Variants in KIAA1586 observed in about 807,000 individuals in gnomAD.
The protein encoded by KIAA1586 is E3 SUMO-protein ligase KIAA1586.
KIAA1586 carries 5 observed loss-of-function variants against 6.1 expected under a neutral mutation model. The observed-to-expected ratio is 0.82, with a 90% CI of 0.43 to 1.73. The LOEUF (loss-of-function observed/expected upper bound fraction) is 1.73. KIAA1586 is among the 40% of genes most tolerant of loss of function. The pLI is 0.02. For synonymous variants in KIAA1586, 280 were observed against 301.7 expected (o/e 0.93, Z 0.75); for missense variants, 899 against 878.2 (o/e 1.02, Z -0.30).
At chr6:57,064,406 C>T in the KIAA1586 span, among the ~76,000 whole-genome samples, 1 of 152,178 alleles carries the variant, frequency 6.6e-6, no homozygotes, top group Non-Finnish European at 1.5e-5. Context: ...TGAGTTCTGC[C>T]TGTGTGTTCT....
the KIAA1586 span, among the ~76,000 whole-genome samples, chr6:57,064,454 C>T: frequency 6.6e-6 from 1 of 152,172 alleles, no homozygotes; most frequent in African/African-American, 2.4e-5. Context: ...GAATTTTACT[C>T]TGTGGTAGAT....
In KIAA1586 at chr6:57,053,299, A is replaced by G. The variant is rs530581934; in HGVS notation, c.800A>G (p.Glu267Gly). ...CATAACAGACCTTTATCTGATATTG[A>G]GGGGGCAAGAGAATTACAGGAAAAA... The part of the protein sequence containing the change: ...VKHNRPLSDI[E>G]GARELQEKNG... Residue 267 changes from glutamate (E) to glycine (G), a missense_variant, in exon 4 of 4, where the codon GAG becomes GGG. Transcript: ENST00000370733. The G allele has an allele frequency of 1.9e-6, 3 of 1,612,284 alleles. No individual in the cohort carries two copies. Among genetic ancestry groups the G allele is most frequent in the Middle Eastern group, 1.7e-4 (1 of 6,050 alleles).
chr6:57,062,916 C>T, the KIAA1586 span, among the ~76,000 whole-genome samples: 7 of 152,016 alleles, frequency 4.6e-5, no homozygotes, highest in African/African-American at 1.7e-4. Context: ...CCGGGCGTGG[C>T]GGCATGTGCC....
At chr6:57,060,386 C>G in the KIAA1586 span, among the ~76,000 whole-genome samples, 1 of 152,286 alleles carries the variant, frequency 6.6e-6, no homozygotes, top group African/African-American at 2.4e-5. Context: ...CTGGCCAGAA[C>G]TGTGTCAGCA....
At chr6:57,060,974 G>T in the KIAA1586 span, among the ~76,000 whole-genome samples, 1 of 148,170 alleles carries the variant, frequency 6.7e-6, no homozygotes, top group Admixed American at 6.7e-5. Flanking sequence ...TTTAAATTAT[G>T]TTCCGCCTTT....
At position 57,054,825 on chromosome 6, in the gene KIAA1586, T is replaced by G. The variant is rs1287249635; in HGVS notation, c.2326T>G (p.Phe776Val). 7.7e-6 allele frequency: 12 copies of G among 1,550,822 alleles called. No homozygotes were observed. In the Admixed American group the frequency reaches 2.4e-4, roughly 30 times the overall value. Residue 776 changes from phenylalanine to valine, a missense_variant, in exon 4 of 4, where the codon TTC (phenylalanine) becomes GTC (valine). By Grantham distance (50) the Phe-to-Val change is conservative. Transcript: ENST00000370733. Reference protein sequence around the residue: ...TRVRQKSTKVFHENQLAIWNL... With the variant: ...TRVRQKSTKVVHENQLAIWNL... ...AGTTCGGCAAAAGTCAACAAAAGTC[T>G]TCCATGAGAATCAATTGGCTATATG...
chr6:57,058,014 C>G (rs922472915), downstream of KIAA1586, among the ~76,000 whole-genome samples: 1 of 151,992 alleles, frequency 6.6e-6, no homozygotes, highest in Admixed American at 6.5e-5. Flanking sequence ...AGGCTGGCCT[C>G]GAACTCCCTG....
Position 57,054,985 on chromosome 6 carries a change from G to T in KIAA1586, c.*122G>T. Reference sequence around the variant, plus strand: ...TTATCAGCATGTTGCTGTTTAAAAGGCGTTCTTTAAGAAGATAATCTTGAA... The same window carrying T: ...TTATCAGCATGTTGCTGTTTAAAAGTCGTTCTTTAAGAAGATAATCTTGAA... On this transcript the variant is annotated 3_prime_UTR_variant, in exon 4 of 4. Coordinates refer to ENST00000370733, the MANE Select transcript of KIAA1586 (RefSeq NM_020931.4). 1 of 1,124,618 alleles carries T rather than the reference G, an allele frequency of 8.9e-7. No individual in the cohort carries two copies. Among genetic ancestry groups the T allele is most frequent in the Non-Finnish European group, 1.2e-6 (1 of 821,174 alleles). The allele number at this position is 1,124,618 out of a possible 1,614,324, so 69.7% of individuals were successfully genotyped here.
chr6:57,048,624 G>A (rs902088387), intron 2 of KIAA1586, among the ~76,000 whole-genome samples: 2 of 152,164 alleles, frequency 1.3e-5, no homozygotes, highest in African/African-American at 2.4e-5. Flanking sequence ...TTTTTGTAAC[G>A]AGAAACATTT....
the KIAA1586 span, among the ~76,000 whole-genome samples, chr6:57,066,597 G>A: frequency 1.3e-5 from 2 of 152,122 alleles, no homozygotes; most frequent in East Asian, 3.9e-4. Flanking sequence ...ACAAAAGGGG[G>A]CTGGAACTGA....
downstream of KIAA1586, among the ~76,000 whole-genome samples, chr6:57,057,504 G>C (rs1199675754): frequency 6.6e-6 from 1 of 152,034 alleles, no homozygotes; most frequent in East Asian, 1.9e-4. Context: ...TGTAATCCCA[G>C]CACTTTATGG....
rs185975368 is a variant in KIAA1586, at chr6:57,052,932, T to G, written c.433T>G (p.Phe145Val). 4 of 1,613,202 alleles carry G rather than the reference T, an allele frequency of 2.5e-6. No individual in the cohort carries two copies. In the East Asian group the frequency reaches 8.9e-5, roughly 36 times the overall value. The stretch of plus-strand genomic sequence containing the variant: ...TTGGAATGAAAAACAAGCATTTATG[T>G]TTACAGAACAATACAAATGGCTTGA... ...DCWNEKQAFM[F>V]TEQYKWLEIK... The change falls in exon 4 of 4, where the codon TTT (phenylalanine) becomes GTT (valine). Residue 145 changes from phenylalanine to valine, a missense_variant. By Grantham distance (50) the Phe-to-Val change is conservative (BLOSUM62 -1). Coordinates refer to ENST00000370733, the MANE Select transcript of KIAA1586 (RefSeq NM_020931.4).
At chr6:57,063,636 T>G in the KIAA1586 span, among the ~76,000 whole-genome samples, 1 of 151,916 alleles carries the variant, frequency 6.6e-6, no homozygotes, top group Non-Finnish European at 1.5e-5. Flanking sequence ...GTATTTTTAG[T>G]TGAGACGGGG....
At position 57,053,314 on chromosome 6, in the gene KIAA1586, T is replaced by TA. The variant is rs771664038; in HGVS notation, c.816dup (p.Gln273ThrfsTer33). 1 of 1,612,432 alleles carries TA rather than the reference T, an allele frequency of 6.2e-7. No individual in the cohort carries two copies. On this transcript the variant is annotated frameshift_variant, in exon 4 of 4. Transcript: ENST00000370733. LOFTEE classifies it low-confidence loss of function (END_TRUNC). ...TCTGATATTGAGGGGGCAAGAGAAT[T>TA]ACAGGAAAAAAATGGAGAGGTAAAT... is the stretch of plus-strand genomic sequence containing the variant.
At position 57,053,853 on chromosome 6, in the gene KIAA1586, C is replaced by A; in HGVS notation, c.1354C>A (p.His452Asn). 6.5e-7 allele frequency: 1 copy of A among 1,536,532 alleles called. No homozygotes were observed. The highest frequency in any genetic ancestry group is 1.2e-5 in the South Asian group (1 of 80,072). The change falls in exon 4 of 4, where the codon CAT becomes AAT. Residue 452 changes from histidine to asparagine, a missense_variant. His to Asn is a moderately conservative substitution (Grantham distance 68). Transcript: ENST00000370733. ...TATTGATAAAATTTATTCTATTTAT[C>A]ATCAACCTAATAAAAATCAAACCAA... The part of the protein sequence containing the change: ...IFIDKIYSIY[H>N]QPNKNQTKLL...
Position 57,053,706 on chromosome 6 carries a change from G to A in KIAA1586, c.1207G>A (p.Ala403Thr). ...NTILGRKSGV[A>T]TKLLENFPEI... ...AATCCTGGGAAGAAAGTCTGGAGTA[G>A]CTACAAAATTGTTAGAAAATTTTCC... Residue 403 changes from alanine to threonine, a missense_variant, in exon 4 of 4, where the codon GCT becomes ACT. Coordinates refer to ENST00000370733, the MANE Select transcript of KIAA1586 (RefSeq NM_020931.4). 9 of 1,610,868 alleles carry A rather than the reference G, an allele frequency of 5.6e-6. No homozygotes were observed. The highest frequency in any genetic ancestry group is 7.6e-6 in the Non-Finnish European group (9 of 1,177,730).
chr6:57,046,819 C>T (rs1338549445), intron 1 of KIAA1586, 43 bp downstream of exon 1: 5 of 1,602,648 alleles, frequency 3.1e-6, no homozygotes, highest in Non-Finnish European at 4.3e-6. Context: ...AGAGGCGAAC[C>T]GCGAAGGGTT....
chr6:57,047,877 T>C (rs1396172434), intron 2 of KIAA1586, among the ~76,000 whole-genome samples: 1 of 123,588 alleles, frequency 8.1e-6, no homozygotes, highest in East Asian at 2.3e-4. Context: ...ATGCTCATAA[T>C]GAAGAATCCT....
chr6:57,059,044 A>G (rs921057082), downstream of KIAA1586, among the ~76,000 whole-genome samples: 7 of 152,178 alleles, frequency 4.6e-5, no homozygotes, highest in Admixed American at 2.6e-4. Flanking sequence ...GTTTGGAACA[A>G]TTGGGTTTGT....
Sources: gnomAD v4.1 joint callset for allele counts (sites outside exome capture counted in the v4.1 genomes callset) on GRCh38, gnomAD v4.1.1 for gene constraint, MANE v1.5 for transcripts, NCBI Gene and HGNC (gene_info 2026-07-23, HGNC 2026-07-21) for gene names.